The following PPEF1 variants were observed in gnomAD, a reference collection of about 807,000 sequenced individuals.
PPEF1 encodes serine/threonine-protein phosphatase with EF-hands 1.
PPEF1 carries 12 observed loss-of-function variants against 53.3 expected under a neutral mutation model. That is an observed-to-expected ratio of 0.23 (90% CI 0.14 to 0.36). The LOEUF is 0.36. Ranked by LOEUF, PPEF1 falls within the 10% of genes least tolerant of loss-of-function variation. The pLI, the probability that PPEF1 is intolerant of heterozygous loss-of-function variation, is 1.00. For synonymous variants in PPEF1, 165 were observed against 176.7 expected, an observed-to-expected ratio of 0.93 and a Z score of 0.52; for missense variants, 334 against 490.4, an observed-to-expected ratio of 0.68 and a Z score of 3.01.
At chrX:18,826,211 G>T (rs1309044549) in intron 15 of PPEF1, among the ~76,000 whole-genome samples, 1 of 110,694 alleles carries the variant, frequency 9.0e-6, no homozygotes, top group East Asian at 2.8e-4. Context: ...CAGTTTGGCT[G>T]CAGACTCTGT....
chrX:18,731,829 T>G (rs2044844317), intron 2 of PPEF1, among the ~76,000 whole-genome samples: 1 of 112,602 alleles, frequency 8.9e-6, no homozygotes, highest in Non-Finnish European at 1.9e-5. Context: ...TTACCTATTC[T>G]GGCCATTTCA....
At chrX:18,778,725 G>T (rs1265710427) in intron 6 of PPEF1, among the ~76,000 whole-genome samples, 1 of 111,291 alleles carries the variant, frequency 9.0e-6, no homozygotes, top group East Asian at 2.8e-4. Context: ...ACAAATATCA[G>T]CTCCTTTCAG....
intron 5 of PPEF1, among the ~76,000 whole-genome samples, chrX:18,760,217 C>T (rs1212834253): frequency 1.8e-5 from 2 of 111,102 alleles, no homozygotes; most frequent in Non-Finnish European, 3.8e-5. Context: ...GAACTCCTGG[C>T]CTCAAGTGAT....
At chrX:18,766,019 C>T (rs1307276139) in intron 6 of PPEF1, among the ~76,000 whole-genome samples, 1 of 99,956 alleles carries the variant, frequency 1.0e-5, no homozygotes, top group African/African-American at 3.7e-5. Flanking sequence ...GAGCCAAGAT[C>T]GCACCATTGC....
intron 4 of PPEF1, among the ~76,000 whole-genome samples, chrX:18,696,917 C>G (rs1017328938): frequency 8.0e-5 from 9 of 112,302 alleles, no homozygotes; most frequent in African/African-American, 2.9e-4. Context: ...AGTCTCCTCT[C>G]CAGTCCAGCT....
At chrX:18,736,136 A>G (rs1192556860) in intron 3 of PPEF1, among the ~76,000 whole-genome samples, 8 of 111,317 alleles carry the variant, frequency 7.2e-5, no homozygotes, top group Non-Finnish European at 1.3e-4. Flanking sequence ...CTCCTGCCTG[A>G]TTGCCCTGGC....
intron 5 of PPEF1, among the ~76,000 whole-genome samples, chrX:18,759,573 C>T (rs897174958): frequency 7.2e-5 from 8 of 111,388 alleles, no homozygotes; most frequent in Non-Finnish European, 1.1e-4. Flanking sequence ...TCCCATGGTA[C>T]GAGTTTTTCT....
rs1351636854 is a variant in PPEF1 at position 18,736,597 on chromosome X, T to G, written c.235+2789T>G. Among the ~76,000 whole-genome samples the G allele has an allele frequency of 4.5e-5, 5 of 111,904 alleles. No homozygotes were observed. In the South Asian group the frequency reaches 1.9e-3, roughly 42 times the overall value. ...ATATTGGTCTAAAATTCTCTTTTTT[T>G]GTTGTGTCTCTGCCAGCCTTTGGTA... On this transcript the variant is annotated intron_variant, in intron 3 of 15. Transcript: ENST00000470157.
At chrX:18,711,044 G>A (rs2044312833) in intron 1 of PPEF1, among the ~76,000 whole-genome samples, 1 of 100,508 alleles carries the variant, frequency 9.9e-6, no homozygotes, top group Non-Finnish European at 2.0e-5. Context: ...ACGTATATAT[G>A]TATGTATGTG....
chrX:18,767,450 C>T (rs2045798899), intron 6 of PPEF1, among the ~76,000 whole-genome samples: 1 of 111,382 alleles, frequency 9.0e-6, no homozygotes, highest in Non-Finnish European at 1.9e-5. Flanking sequence ...GAGGCTGAGG[C>T]AGAAGAATTG....
chrX:18,776,387 A>G (rs2045966508), intron 6 of PPEF1, among the ~76,000 whole-genome samples: 1 of 111,004 alleles, frequency 9.0e-6, no homozygotes, highest in Non-Finnish European at 1.9e-5. Flanking sequence ...GGTGTGCACC[A>G]TCACACCTGG....
chrX:18,732,561 T>A (rs1278330538), intron 2 of PPEF1, among the ~76,000 whole-genome samples: 1 of 112,119 alleles, frequency 8.9e-6, no homozygotes, highest in East Asian at 2.8e-4. Context: ...GGGTGTGAAG[T>A]GATGTCTGAT....
upstream of PPEF1, among the ~76,000 whole-genome samples, chrX:18,682,800 A>G (rs1373287959): frequency 9.0e-6 from 1 of 111,418 alleles, no homozygotes; most frequent in Admixed American, 9.5e-5. Flanking sequence ...AGTGGGGATG[A>G]GGCTGACAGT....
At chrX:18,720,001 C>T (rs1202937720) in intron 1 of PPEF1, among the ~76,000 whole-genome samples, 1 of 111,859 alleles carries the variant, frequency 8.9e-6, no homozygotes, top group Non-Finnish European at 1.9e-5. Flanking sequence ...GATAATGAGA[C>T]AGATGAGCAC....
intron 9 of PPEF1, among the ~76,000 whole-genome samples, chrX:18,787,478 T>C (rs2046229429): frequency 9.0e-6 from 1 of 111,520 alleles, no homozygotes; most frequent in Non-Finnish European, 1.9e-5. Context: ...TGCAGAAAGA[T>C]GGCTACTAGA....
chrX:18,730,088 G>A (rs1258682262), intron 1 of PPEF1, 93 bp from the exon 2 acceptor site: 14 of 923,440 alleles, frequency 1.5e-5, no homozygotes, highest in Non-Finnish European at 1.6e-5. Context: ...GAATCCAGGT[G>A]GACTGCTTTT....
Position 18,757,719 on chromosome X carries a change from C to T in PPEF1, c.489C>T (p.Pro163=). 1.7e-6 allele frequency: 2 copies of T among 1,208,524 alleles called. No homozygotes were observed. Among genetic ancestry groups the T allele is most frequent in the Non-Finnish European group, 2.2e-6 (2 of 892,677 alleles). The change falls in exon 5 of 16, where the codon CCC becomes CCT. Residue 163 remains proline, a synonymous_variant. Coordinates refer to ENST00000470157, the MANE Select transcript of PPEF1 (RefSeq NM_001377996.1). ...MPNFTHIQTS[P]SKEVTICGDL... ...ATTTCACTCACATACAAACTTCTCC[C>T]TCCAAAGAGGTAACAATCTGTGGTA...
chrX:18,794,741 G>T (rs1477116883), intron 10 of PPEF1, among the ~76,000 whole-genome samples: 1 of 112,247 alleles, frequency 8.9e-6, no homozygotes, highest in Non-Finnish European at 1.9e-5. Context: ...AGAGCTGAGG[G>T]GAATGAGGGA....
intron 3 of PPEF1, among the ~76,000 whole-genome samples, chrX:18,740,292 A>G (rs1173010591): frequency 1.8e-5 from 2 of 112,304 alleles, no homozygotes; most frequent in African/African-American, 3.2e-5. Context: ...TTTTTCATCC[A>G]CAAAACTTTT....
Sources: gnomAD v4.1 joint callset for allele counts (sites outside exome capture counted in the v4.1 genomes callset) on GRCh38, gnomAD v4.1.1 for gene constraint, MANE v1.5 for transcripts, NCBI Gene and HGNC (gene_info 2026-07-23, HGNC 2026-07-21) for gene names.